The following UNC45B variants were observed in gnomAD, a reference collection of about 807,000 sequenced individuals.
UNC45B encodes protein unc-45 homolog B.
UNC45B carries 78 observed loss-of-function variants against 98.7 expected under a neutral mutation model. The observed-to-expected ratio is 0.79, with a 90% CI of 0.66 to 0.95. The LOEUF (loss-of-function observed/expected upper bound fraction) is 0.95. Among genes scored for constraint, UNC45B ranks in the 40% least tolerant of loss-of-function variants. The pLI is 0.00. For synonymous variants in UNC45B, 462 were observed against 480.4 expected (o/e 0.96, Z 0.50); for missense variants, 1,225 against 1,184.9 (o/e 1.03, Z -0.50).
rs932460354 is a variant in UNC45B, at chr17:35,188,195, A to G, written c.*1636A>G. ...TGTTTCACAGCAGGAAACTATATTCATCATATCCTTATTATGATAGAGAAT... is the reference window on the plus strand; with the variant it reads ...TGTTTCACAGCAGGAAACTATATTCGTCATATCCTTATTATGATAGAGAAT... On this transcript the variant is annotated 3_prime_UTR_variant, in exon 20 of 20. Coordinates refer to ENST00000394570, the MANE Select transcript of UNC45B (RefSeq NM_001267052.2). 2.0e-5 allele frequency: 3 copies of G among 152,250 alleles called. No individual in the cohort carries two copies. Among genetic ancestry groups the G allele is most frequent in the Admixed American group, 6.5e-5 (1 of 15,280 alleles). The allele number at this position is 152,250 out of a possible 1,614,324, so 9.4% of individuals were successfully genotyped here.
At position 35,148,331 on chromosome 17, in the gene UNC45B, AGGCC is replaced by A; in HGVS notation, c.70_73del (p.Ala24ProfsTer9). 6.2e-7 allele frequency: 1 copy of A among 1,614,186 alleles called. No individual in the cohort carries two copies. Among genetic ancestry groups the A allele is most frequent in the Non-Finnish European group, 8.5e-7 (1 of 1,180,020 alleles). The stretch of plus-strand genomic sequence containing the variant: ...CGGCATTTCCAGCTCCAGGACTACA[AGGCC>A]GCCACAAATAGCTACAGCCAGGCCC... On this transcript the variant is annotated frameshift_variant, in exon 2 of 20. Coordinates refer to ENST00000394570, the MANE Select transcript of UNC45B (RefSeq NM_001267052.2). LOFTEE classifies it high-confidence loss of function.
chr17:35,152,791 G>A (rs1260520720), intron 4 of UNC45B, 102 bp from the exon 5 acceptor site: 111 of 853,182 alleles, frequency 1.3e-4, no homozygotes, highest in Non-Finnish European at 1.0e-5. Context: ...ATGTGCGGGA[G>A]CCCAGAGTAG....
At chr17:35,167,106 A>C (rs2092146499) in intron 9 of UNC45B, 3 of 152,356 alleles carry the variant, frequency 2.0e-5, no homozygotes, top group Admixed American at 2.0e-4. Context: ...AGACCAGATC[A>C]CCAGAGGGGA....
intron 9 of UNC45B, 131 bp downstream of exon 9, chr17:35,164,297 AG>A: frequency 2.5e-6 from 3 of 1,177,198 alleles, no homozygotes; most frequent in Non-Finnish European, 3.5e-6. Flanking sequence ...GAAATTTGGG[AG>A]TGGTTTGGCT....
At chr17:35,162,651 G>A (rs1034936973) in intron 8 of UNC45B, among the ~76,000 whole-genome samples, 7 of 151,966 alleles carry the variant, frequency 4.6e-5, no homozygotes, top group Non-Finnish European at 7.4e-5. Flanking sequence ...GTGCAATGGC[G>A]TGATCTTGGC....
chr17:35,155,839 G>C (rs955720437), intron 7 of UNC45B, among the ~76,000 whole-genome samples: 8 of 152,150 alleles, frequency 5.3e-5, no homozygotes, highest in Non-Finnish European at 1.0e-4. Context: ...CAAAGTGCTA[G>C]GATTACAGGC....
chr17:35,178,976 A>G (rs1204258566), intron 17 of UNC45B, among the ~76,000 whole-genome samples: 1 of 152,066 alleles, frequency 6.6e-6, no homozygotes, highest in African/African-American at 2.4e-5. Flanking sequence ...GTAGCGTGAT[A>G]CCTGACCCTG....
intron 7 of UNC45B, among the ~76,000 whole-genome samples, chr17:35,156,776 T>C (rs2092065411): frequency 6.6e-6 from 1 of 152,214 alleles, no homozygotes; most frequent in Non-Finnish European, 1.5e-5. Flanking sequence ...TAATCACTAT[T>C]ACCATTACCA....
chr17:35,166,574 G>T (rs557475470), intron 9 of UNC45B, among the ~76,000 whole-genome samples: 5 of 152,168 alleles, frequency 3.3e-5, no homozygotes, highest in Non-Finnish European at 7.3e-5. Context: ...GCCCCAGCCT[G>T]CCCCTAGCAA....
At chr17:35,166,751 T>G (rs1238526884) in intron 9 of UNC45B, among the ~76,000 whole-genome samples, 1 of 152,056 alleles carries the variant, frequency 6.6e-6, no homozygotes, top group Non-Finnish European at 1.5e-5. Context: ...CTGTCAGAGC[T>G]TCCAAAGCTG....
chr17:35,172,705 CTT>C (rs1268724350), intron 13 of UNC45B, among the ~76,000 whole-genome samples: 1 of 152,196 alleles, frequency 6.6e-6, no homozygotes, highest in Non-Finnish European at 1.5e-5. Flanking sequence ...TGTAGGGACT[CTT>C]TAACCCTGGG....
rs763647521 is a variant in UNC45B at position 35,186,506 on chromosome 17, C to G, written c.2737C>G (p.Arg913Gly). 3 of 1,614,134 alleles carry G rather than the reference C, an allele frequency of 1.9e-6. No homozygotes were observed. Among genetic ancestry groups the G allele is most frequent in the Admixed American group, 3.3e-5 (2 of 60,022 alleles). ...GAAGGCAGAAGTGGTTCAGACAGCC[C>G]GAGAATGTCTCATCAAGTGCATGGA... Reference protein sequence around the residue: ...EKKAEVVQTARECLIKCMDYG... With the variant: ...EKKAEVVQTAGECLIKCMDYG... The change falls in exon 20 of 20, where the codon CGA (arginine) becomes GGA (glycine). Residue 913 changes from arginine to glycine, a missense_variant. By Grantham distance (125) the Arg-to-Gly change is moderately radical (BLOSUM62 -2). Transcript: ENST00000394570.
At chr17:35,154,551 C>T in intron 5 of UNC45B, 23 bp from the exon 6 acceptor site, 1 of 1,609,664 alleles carries the variant, frequency 6.2e-7, no homozygotes, top group Non-Finnish European at 8.5e-7. Flanking sequence ...CCTCGTAACC[C>T]TTATTGCCTC....
chr17:35,177,206 C>G, intron 16 of UNC45B, 76 bp downstream of exon 16: 1 of 1,343,444 alleles, frequency 7.4e-7, no homozygotes, highest in Non-Finnish European at 1.0e-6. Flanking sequence ...CCTTGTCATT[C>G]TACCTCGAGC....
At position 35,158,374 on chromosome 17, in the gene UNC45B, G is replaced by A. The variant is rs553703453; in HGVS notation, c.809-1001G>A. On this transcript the variant is annotated intron_variant, in intron 7 of 19. Coordinates refer to ENST00000394570, the MANE Select transcript of UNC45B (RefSeq NM_001267052.2). The stretch of plus-strand genomic sequence containing the variant: ...CTAGTGGCCAGCTTGGGTTTCTATA[G>A]AACATGGTGGCTGGATTCTAAATGG... Among the ~76,000 whole-genome samples the A allele has an allele frequency of 4.6e-5, 7 of 152,184 alleles. No homozygotes were observed. In the South Asian group the frequency reaches 6.2e-4, roughly 13 times the overall value.
Position 35,177,558 on chromosome 17 carries a change from T to C in UNC45B, c.2203T>C (p.Tyr735His). The C allele has an allele frequency of 6.4e-7, 1 of 1,563,624 alleles. No individual in the cohort carries two copies. The highest frequency in any genetic ancestry group is 1.2e-5 in the South Asian group (1 of 84,804). Residue 735 changes from tyrosine to histidine, a missense_variant, in exon 17 of 20, where the codon TAT becomes CAT. Physicochemically the swap from Tyr to His is moderately conservative, Grantham distance 83. Transcript: ENST00000394570. ...CACACAGAGGGATGGGCTTCAGAAC[T>C]ATGAGGCTCTCCTAGGCCTCACCAA... is the stretch of plus-strand genomic sequence containing the variant. ...LDTQRDGLQN[Y>H]EALLGLTNLS... is the part of the protein sequence containing the mutation.
chr17:35,155,201 A>T, intron 6 of UNC45B, 95 bp from the exon 7 acceptor site: 1 of 1,469,094 alleles, frequency 6.8e-7, no homozygotes, highest in East Asian at 2.3e-5. Context: ...ACTGCATGGG[A>T]TAGGGTGGGG....
Position 35,154,670 on chromosome 17 carries a change from A to C in UNC45B, c.568A>C (p.Thr190Pro). ...AGCCTTGCTACTGCAGCTTCTGGAC[A>C]CTAAGAAGCCTGAGCTGGTGCTGGC... The part of the protein sequence containing the change: ...GVALLLQLLD[T>P]KKPELVLAAV... Residue 190 changes from threonine (T) to proline (P), a missense_variant, in exon 6 of 20, where the codon ACT (threonine) becomes CCT (proline). Thr to Pro is a conservative substitution (Grantham distance 38). Transcript: ENST00000394570. 6.2e-7 allele frequency: 1 copy of C among 1,612,780 alleles called. No individual in the cohort carries two copies. Among genetic ancestry groups the C allele is most frequent in the South Asian group, 1.1e-5 (1 of 90,880 alleles).
At chr17:35,178,873 C>A (rs1355433560) in intron 17 of UNC45B, among the ~76,000 whole-genome samples, 1 of 152,062 alleles carries the variant, frequency 6.6e-6, no homozygotes. Context: ...ATTTCTGAGG[C>A]CTCTGTTCTG....
Sources: allele counts gnomAD v4.1 joint callset (sites outside exome capture counted in the v4.1 genomes callset), GRCh38; gene constraint gnomAD v4.1.1; transcripts MANE v1.5; gene names NCBI Gene and HGNC (gene_info 2026-07-23, HGNC 2026-07-21).